Variants in PTPRD observed in about 807,000 individuals in gnomAD.
PTPRD encodes the protein protein tyrosine phosphatase receptor type D.
A neutral mutation model predicts 214.5 loss-of-function variants in PTPRD; 34 were observed. The ratio of observed to expected loss-of-function variants is 0.16; its 90% CI spans 0.12 to 0.21. PTPRD has a LOEUF of 0.21. Among genes scored for constraint, PTPRD ranks in the 10% least tolerant of loss-of-function variants. The probability of loss-of-function intolerance (pLI) is 1.00; values close to 1 mark genes in which losing one functional copy is unlikely to be tolerated. For missense variants in PTPRD, 2,545 were observed against 2,398.7 expected (o/e 1.06, Z -1.27); for synonymous variants, 1,128 against 845.7 (o/e 1.33, Z -5.79).
At chr9:10,400,488 G>A (rs1366104901) in intron 2 of PTPRD, among the ~76,000 whole-genome samples, 1 of 151,558 alleles carries the variant, frequency 6.6e-6, no homozygotes, top group Admixed American at 6.6e-5. Flanking sequence ...AGCACCAAAA[G>A]TAATAATGTT....
intron 11 of PTPRD, among the ~76,000 whole-genome samples, chr9:8,746,941 T>C (rs1320810753): frequency 6.6e-6 from 1 of 152,164 alleles, no homozygotes; most frequent in African/African-American, 2.4e-5. Flanking sequence ...TGAGTAGGAA[T>C]AGGTTCAGGA....
At chr9:9,470,882 A>G (rs1209094761) in intron 8 of PTPRD, among the ~76,000 whole-genome samples, 2 of 152,188 alleles carry the variant, frequency 1.3e-5, no homozygotes, top group East Asian at 3.8e-4. Flanking sequence ...AAAACTACAG[A>G]TTTAACATGA....
intron 7 of PTPRD, among the ~76,000 whole-genome samples, chr9:9,722,694 A>G (rs1035421308): frequency 6.6e-6 from 1 of 152,080 alleles, no homozygotes; most frequent in Non-Finnish European, 1.5e-5. Flanking sequence ...GCAATTGATA[A>G]CAATTCCAAT....
At chr9:10,000,769 G>T (rs2096287686) in intron 4 of PTPRD, among the ~76,000 whole-genome samples, 1 of 152,180 alleles carries the variant, frequency 6.6e-6, no homozygotes, top group Admixed American at 6.5e-5. Flanking sequence ...AACCAACATG[G>T]CCAGCTTGGT....
chr9:9,390,284 C>G (rs1477287596), intron 9 of PTPRD, among the ~76,000 whole-genome samples: 1 of 152,100 alleles, frequency 6.6e-6, no homozygotes, highest in East Asian at 1.9e-4. Context: ...GGCTTTCATT[C>G]TGAGTAAGAT....
At chr9:9,970,251 C>A (rs972470144) in intron 4 of PTPRD, among the ~76,000 whole-genome samples, 1 of 151,726 alleles carries the variant, frequency 6.6e-6, no homozygotes, top group Non-Finnish European at 1.5e-5. Flanking sequence ...GAGATCGAGA[C>A]CATCCTGGCT....
At chr9:10,560,092 T>C (rs1301945069) in intron 2 of PTPRD, among the ~76,000 whole-genome samples, 1 of 152,114 alleles carries the variant, frequency 6.6e-6, no homozygotes, top group Non-Finnish European at 1.5e-5. Flanking sequence ...CATGTTGCTA[T>C]AAAAACACAT....
chr9:9,161,166 T>C (rs561368914), intron 10 of PTPRD, among the ~76,000 whole-genome samples: 1 of 152,252 alleles, frequency 6.6e-6, no homozygotes, highest in South Asian at 2.1e-4. Flanking sequence ...TGATGTATTG[T>C]ATATTTCAGA....
intron 11 of PTPRD, among the ~76,000 whole-genome samples, chr9:8,996,425 C>T (rs13285582): frequency 0.11 from 16,859 of 151,942 alleles, 1,241 homozygotes; most frequent in Non-Finnish European, 0.17. Context: ...AAAAGAAAAA[C>T]GTAGGGGCAG....
chr9:9,388,812 A>C (rs566964918), intron 9 of PTPRD, among the ~76,000 whole-genome samples: 118 of 152,306 alleles, frequency 7.7e-4, no homozygotes, highest in Middle Eastern at 3.4e-3. Context: ...TTTCTCAAAC[A>C]CTCAGAAAGA....
intron 9 of PTPRD, among the ~76,000 whole-genome samples, chr9:9,208,645 A>G (rs1055035971): frequency 6.6e-6 from 1 of 152,100 alleles, no homozygotes; most frequent in East Asian, 1.9e-4. Context: ...TAAGTGAACC[A>G]ATTAGTATTT....
At chr9:9,939,162 G>A (rs1369627911) in intron 4 of PTPRD, among the ~76,000 whole-genome samples, 1 of 152,110 alleles carries the variant, frequency 6.6e-6, no homozygotes, top group Non-Finnish European at 1.5e-5. Context: ...ACGCACCAGA[G>A]TGTTGCTACT....
intron 8 of PTPRD, among the ~76,000 whole-genome samples, chr9:9,426,238 A>G (rs921967040): frequency 6.6e-6 from 1 of 152,182 alleles, no homozygotes; most frequent in Non-Finnish European, 1.5e-5. Context: ...CAGTCTTAGC[A>G]AATGGCACAC....
In PTPRD at chr9:9,832,797, G is replaced by T. The variant is rs1038033686; in HGVS notation, c.-367-65946C>A. ...ATGAGGCAACTAGCCAATGGACCAG[G>T]ATTACATGCTGACTGTAGCAGAGCA... is the stretch of plus-strand genomic sequence containing the variant. On this transcript the variant is annotated intron_variant, in intron 5 of 45. Coordinates refer to ENST00000381196, the MANE Select transcript of PTPRD (RefSeq NM_002839.4). Among the ~76,000 whole-genome samples the T allele has an allele frequency of 2.6e-5, 4 of 152,020 alleles. No individual in the cohort carries two copies. In the South Asian group the frequency reaches 6.2e-4, roughly 24 times the overall value.
At chr9:9,661,728 G>A (rs114658097) in intron 7 of PTPRD, among the ~76,000 whole-genome samples, 39 of 151,918 alleles carry the variant, frequency 2.6e-4, no homozygotes, top group African/African-American at 9.4e-4. Flanking sequence ...AGATGGTGAT[G>A]TAAGATGTTT....
intron 6 of PTPRD, among the ~76,000 whole-genome samples, chr9:9,760,647 C>T (rs2098645751): frequency 1.1e-5 from 1 of 94,268 alleles, no homozygotes. Context: ...CACACACACA[C>T]ACACACATAT....
chr9:8,536,124 A>G (rs1319927160), intron 14 of PTPRD, among the ~76,000 whole-genome samples: 1 of 151,924 alleles, frequency 6.6e-6, no homozygotes, highest in African/African-American at 2.4e-5. Flanking sequence ...TCCTACATGT[A>G]GTAAAAAATT....
chr9:10,202,481 GA>G (rs58186376), intron 3 of PTPRD, among the ~76,000 whole-genome samples: 155 of 143,070 alleles, frequency 1.1e-3, no homozygotes, highest in South Asian at 8.7e-3. Flanking sequence ...TAAATAAAAT[GA>G]AAAAAAAAAA....
intron 9 of PTPRD, among the ~76,000 whole-genome samples, chr9:9,320,822 G>A (rs777531745): frequency 2.4e-4 from 36 of 152,220 alleles, no homozygotes; most frequent in Middle Eastern, 3.4e-3. Flanking sequence ...TAATGGGAGG[G>A]CTCAAATTTC....
Sources: allele counts gnomAD v4.1 joint callset (sites outside exome capture counted in the v4.1 genomes callset), GRCh38; gene constraint gnomAD v4.1.1; transcripts MANE v1.5; gene names NCBI Gene and HGNC (gene_info 2026-07-23, HGNC 2026-07-21).